ATP6V0A4: variants seen among roughly 807,000 people sequenced by gnomAD.
ATP6V0A4 encodes V-type proton ATPase 116 kDa subunit a 4.
Under a neutral mutation model 107.3 loss-of-function variants are expected in ATP6V0A4, and 86 were observed. That is an observed-to-expected ratio of 0.80 (90% confidence interval 0.67 to 0.96). ATP6V0A4 has a LOEUF of 0.96. Ranked by LOEUF, ATP6V0A4 falls within the 40% of genes least tolerant of loss-of-function variation. The pLI, the probability that ATP6V0A4 is intolerant of heterozygous loss-of-function variation, is 0.00. For missense variants in ATP6V0A4, 908 were observed against 1,045.6 expected (o/e 0.87, Z 1.81); for synonymous variants, 353 against 381.4 (o/e 0.93, Z 0.87).
chr7:138,759,064 T>TA (rs1806656876), intron 8 of ATP6V0A4, among the ~76,000 whole-genome samples: 1 of 129,564 alleles, frequency 7.7e-6, no homozygotes, highest in Admixed American at 7.9e-5. Context: ...TTTTTTTTTT[T>TA]TTTTTTTTTT....
At chr7:138,755,648 T>C in intron 10 of ATP6V0A4, 41 bp downstream of exon 10, 2 of 1,611,204 alleles carry the variant, frequency 1.2e-6, no homozygotes, top group Non-Finnish European at 1.7e-6. Context: ...GCAGCCCTCC[T>C]GCAGCTGCCA....
chr7:138,726,816 A>G (rs1170758755), intron 18 of ATP6V0A4, among the ~76,000 whole-genome samples: 1 of 152,126 alleles, frequency 6.6e-6, no homozygotes, highest in Non-Finnish European at 1.5e-5. Flanking sequence ...AGTCAGTTTC[A>G]GAGCTATCAT....
intron 14 of ATP6V0A4, among the ~76,000 whole-genome samples, chr7:138,740,312 A>G (rs924126481): frequency 6.6e-6 from 1 of 151,950 alleles, no homozygotes; most frequent in African/African-American, 2.4e-5. Context: ...TTTTTCACAT[A>G]TACACCTCAA....
intron 13 of ATP6V0A4, among the ~76,000 whole-genome samples, chr7:138,745,958 A>ATATATAT (rs1327313662): frequency 1.9e-3 from 84 of 44,394 alleles, no homozygotes; most frequent in Non-Finnish European, 2.7e-3. Flanking sequence ...AAAAAAAAAA[A>ATATATAT]AAAAATATAT....
rs145595784 is a variant in ATP6V0A4 at position 138,796,468 on chromosome 7, A to G, written c.-121+1566T>C. Among the ~76,000 whole-genome samples, 1,129 of 152,216 alleles carry G rather than the reference A, an allele frequency of 7.4e-3. 17 individuals are homozygous for G. Among genetic ancestry groups the G allele is most frequent in the African/African-American group, 0.026 (1,070 of 41,534 alleles). On this transcript the variant is annotated intron_variant, in intron 1 of 21. Coordinates refer to ENST00000310018, the MANE Select transcript of ATP6V0A4 (RefSeq NM_020632.3). ...TTACTCACGCCTTCTATGTCTTTCC[A>G]CAGAGCTGGAGTCCACCCCTCACCC...
At chr7:138,728,983 T>G (rs1804852924) in intron 17 of ATP6V0A4, 121 bp from the exon 18 acceptor site, 2 of 1,564,690 alleles carry the variant, frequency 1.3e-6, no homozygotes, top group Non-Finnish European at 1.7e-6. Flanking sequence ...ATCTAAAGCA[T>G]TTCAATGAAT....
At chr7:138,722,684 G>C (rs2117213967) in intron 18 of ATP6V0A4, among the ~76,000 whole-genome samples, 1 of 147,088 alleles carries the variant, frequency 6.8e-6, no homozygotes, top group African/African-American at 2.5e-5. Flanking sequence ...GGTGGAGGCT[G>C]CGGTGAGCCA....
At chr7:138,750,412 C>T (rs1806162702) in intron 11 of ATP6V0A4, among the ~76,000 whole-genome samples, 1 of 152,088 alleles carries the variant, frequency 6.6e-6, no homozygotes, top group East Asian at 1.9e-4. Context: ...TGCTATGTTA[C>T]ACAGGCTGGT....
In ATP6V0A4 at chr7:138,768,791, T is replaced by A; in HGVS notation, c.280A>T (p.Ile94Phe). 6.2e-7 allele frequency: 1 copy of A among 1,614,174 alleles called. No homozygotes were observed. Among genetic ancestry groups the A allele is most frequent in the Non-Finnish European group, 8.5e-7 (1 of 1,180,036 alleles). Residue 94 changes from isoleucine (I) to phenylalanine (F), a missense_variant, in exon 5 of 22, where the codon ATT becomes TTT. By Grantham distance (21) the Ile-to-Phe change is conservative. Transcript: ENST00000310018. ...AGTGGAGAACTTACCTCCAGGGTAA[T>A]CATTTCCCGTGGGAGCGGGGTCAGT... ...SPLTPLPREM[I>F]TLETVLEKLE... is the part of the protein sequence containing the mutation.
chr7:138,797,217 T>TC (rs1354070511), intron 1 of ATP6V0A4, among the ~76,000 whole-genome samples: 3 of 146,874 alleles, frequency 2.0e-5, no homozygotes, highest in Non-Finnish European at 3.0e-5. Context: ...TCTTTTTTTT[T>TC]TTTTTTTTTT....
At chr7:138,785,745 A>G (rs1359373296) in intron 2 of ATP6V0A4, among the ~76,000 whole-genome samples, 1 of 151,510 alleles carries the variant, frequency 6.6e-6, no homozygotes, top group Non-Finnish European at 1.5e-5. Flanking sequence ...ACACACACGC[A>G]CACACACACA....
At chr7:138,729,819 C>G (rs1217709470) in intron 17 of ATP6V0A4, among the ~76,000 whole-genome samples, 1 of 152,198 alleles carries the variant, frequency 6.6e-6, no homozygotes, top group Non-Finnish European at 1.5e-5. Flanking sequence ...AATTTATTAT[C>G]CCAATTGTAA....
intron 14 of ATP6V0A4, among the ~76,000 whole-genome samples, chr7:138,740,571 A>G (rs1805584107): frequency 7.9e-6 from 1 of 126,886 alleles, no homozygotes; most frequent in Non-Finnish European, 1.6e-5. Flanking sequence ...GCTCCCGAGC[A>G]GCTGGGATTA....
intron 10 of ATP6V0A4, among the ~76,000 whole-genome samples, chr7:138,754,643 G>A (rs7808441): frequency 0.15 from 22,551 of 151,622 alleles, 1,792 homozygotes; most frequent in East Asian, 0.33. Context: ...TTTATTTTGA[G>A]ATGGAGTCTC....
chr7:138,723,055 C>CG (rs1554390955), intron 18 of ATP6V0A4, among the ~76,000 whole-genome samples: 1 of 122,416 alleles, frequency 8.2e-6, no homozygotes, highest in Non-Finnish European at 1.7e-5. Context: ...GAGACTGTCT[C>CG]AAAAAAAAAA....
chr7:138,714,796 C>T lies in ATP6V0A4; in HGVS notation c.2257+968G>A, dbSNP rs547390233. Among the ~76,000 whole-genome samples the T allele has an allele frequency of 2.0e-5, 3 of 152,230 alleles. No individual in the cohort carries two copies. In the South Asian group the frequency reaches 6.2e-4, roughly 32 times the overall value. Reference sequence around the variant, plus strand: ...CATGGTAGCCTGAAAAAATATGTTCCCCCATCCCCAAAGATGTCTACATCC... The same window carrying T: ...CATGGTAGCCTGAAAAAATATGTTCTCCCATCCCCAAAGATGTCTACATCC... On this transcript the variant is annotated intron_variant, in intron 20 of 21. Coordinates refer to ENST00000310018, the MANE Select transcript of ATP6V0A4 (RefSeq NM_020632.3).
intron 2 of ATP6V0A4, chr7:138,779,919 T>C (rs1280632992): frequency 6.6e-6 from 1 of 152,224 alleles, no homozygotes; most frequent in Non-Finnish European, 1.5e-5. Context: ...TAGTCCTTGT[T>C]TCTGGAGCTG....
chr7:138,735,462 C>T (rs1370636889), intron 15 of ATP6V0A4, among the ~76,000 whole-genome samples: 1 of 152,212 alleles, frequency 6.6e-6, no homozygotes. Flanking sequence ...CAGACACAAC[C>T]TCAGACACAA....
At chr7:138,749,382 A>C in intron 11 of ATP6V0A4, 65 bp from the exon 12 acceptor site, 2 of 1,582,218 alleles carry the variant, frequency 1.3e-6, no homozygotes, top group South Asian at 2.2e-5. Flanking sequence ...TGTCAGCACA[A>C]AGGTCACAGT....
Sources: gnomAD v4.1 joint callset for allele counts (sites outside exome capture counted in the v4.1 genomes callset) on GRCh38, gnomAD v4.1.1 for gene constraint, MANE v1.5 for transcripts, NCBI Gene and HGNC (gene_info 2026-07-23, HGNC 2026-07-21) for gene names.